The following ESPNL variants were observed in gnomAD, a reference collection of about 807,000 sequenced individuals.
ESPNL encodes espin like, also known as espin-like protein.
In ESPNL, 49 loss-of-function variants were observed where a neutral mutation model predicts 46.8. The observed-to-expected ratio is 1.05, with a 90% CI of 0.83 to 1.33. The LOEUF (loss-of-function observed/expected upper bound fraction) is 1.33, where lower values mean the gene tolerates loss of function less well. Ranked by LOEUF, ESPNL falls within the 40% of genes most tolerant of loss-of-function variation. ESPNL has a pLI of 0.00. For synonymous variants in ESPNL, 664 were observed against 662.1 expected (o/e 1.00, Z -0.04); for missense variants, 1,540 against 1,436.6 (o/e 1.07, Z -1.16).
rs5839686 is a variant in ESPNL, at chr2:238,110,949, C to CTTTTTTTTTTTTT, written c.855+2985_855+2997dup. 1.1e-4 allele frequency among the ~76,000 whole-genome samples: 12 copies of CTTTTTTTTTTTTT among 111,004 alleles called. 1 individual carries two copies. Among genetic ancestry groups the CTTTTTTTTTTTTT allele is most frequent in the Admixed American group, 3.2e-4 (3 of 9,490 alleles). 72.8% of individuals were successfully genotyped at this position (111,004 alleles called of 152,430 possible). A position where few individuals can be genotyped will look rare whatever the true frequency, so the allele number is the denominator to read the frequency against. On this transcript the variant is annotated intron_variant, in intron 4 of 8. Transcript: ENST00000343063. ...GTTTCAGTATATCACATTAGTTATT[C>CTTTTTTTTTTTTT]TTTTTTTTTTTTTTTTTTTTTGAGA...
Position 238,131,870 on chromosome 2 carries a change from G to C in ESPNL, c.*138G>C, listed in dbSNP as rs1692350439. On this transcript the variant is annotated 3_prime_UTR_variant, in exon 9 of 9. Coordinates refer to ENST00000343063, the MANE Select transcript of ESPNL (RefSeq NM_194312.4). ...AGTCCTACCAGTTATCGGAGGCTGC[G>C]GGACTGTTCTGTTGTGGCATGGTTC... 1 of 920,180 alleles carries C rather than the reference G, an allele frequency of 1.1e-6. No individual in the cohort carries two copies. Among genetic ancestry groups the C allele is most frequent in the South Asian group, 1.7e-5 (1 of 60,418 alleles). The allele number at this position is 920,180 out of a possible 1,614,324, so 57.0% of individuals were successfully genotyped here.
chr2:238,128,104 C>G (rs1262757313), intron 7 of ESPNL, among the ~76,000 whole-genome samples: 1 of 152,232 alleles, frequency 6.6e-6, no homozygotes, highest in Non-Finnish European at 1.5e-5. Context: ...TCCTCCTCCT[C>G]AGGGCCTCGG....
In ESPNL at chr2:238,118,386, AAGGGTGGATGGAAGAGGGTGGACGGAGG is replaced by A. The variant is rs1352588150; in HGVS notation, c.987+1365_987+1392del. Among the ~76,000 whole-genome samples, 8 of 58,690 alleles carry A rather than the reference AAGGGTGGATGGAAGAGGGTGGACGGAGG, an allele frequency of 1.4e-4. 1 individual carries two copies. Among genetic ancestry groups the A allele is most frequent in the African/African-American group, 5.5e-4 (5 of 9,166 alleles). The allele number at this position is 58,690 out of a possible 152,430, so 38.5% of individuals were successfully genotyped here. A position where few individuals can be genotyped will look rare whatever the true frequency, so the allele number is the denominator to read the frequency against. On this transcript the variant is annotated intron_variant, in intron 5 of 8. Coordinates refer to ENST00000343063, the MANE Select transcript of ESPNL (RefSeq NM_194312.4). ...GAATGGATGGAGGAGGTGGATGGAG[AAGGGTGGATGGAAGAGGGTGGACGGAGG>A]AGGGTGGATGGAGGAGGAATGGATG...
At chr2:238,122,369 C>G (rs1465552813) in intron 5 of ESPNL, among the ~76,000 whole-genome samples, 1 of 152,250 alleles carries the variant, frequency 6.6e-6, no homozygotes, top group Non-Finnish European at 1.5e-5. Flanking sequence ...GTCTGAATGC[C>G]ACTGTCTTGC....
intron 5 of ESPNL, among the ~76,000 whole-genome samples, chr2:238,125,060 C>G (rs895043764): frequency 1.1e-4 from 17 of 151,574 alleles, no homozygotes; most frequent in African/African-American, 3.9e-4. Context: ...GGTGGGGTGC[C>G]AGGAAGTGAT....
chr2:238,103,568 C>G (rs960472168), intron 2 of ESPNL, among the ~76,000 whole-genome samples: 2 of 152,230 alleles, frequency 1.3e-5, no homozygotes, highest in African/African-American at 4.8e-5. Context: ...GGTGGCTGCC[C>G]CTGGCCAGAC....
chr2:238,129,230 A>G, intron 8 of ESPNL: 1 of 1,248,592 alleles, frequency 8.0e-7, no homozygotes, highest in Non-Finnish European at 1.0e-6. Context: ...GCCCATGGGC[A>G]GGTGCCGGCA....
chr2:238,127,765 C>T, intron 7 of ESPNL, 31 bp downstream of exon 7: 1 of 1,556,706 alleles, frequency 6.4e-7, no homozygotes, highest in East Asian at 2.3e-5. Flanking sequence ...TTCCTGTCTC[C>T]CGGGGCCCCT....
In ESPNL at chr2:238,130,996, T is replaced by G. The variant is rs4663845; in HGVS notation, c.2282T>G (p.Val761Gly). The G allele has an allele frequency of 1.9e-6, 3 of 1,545,008 alleles. No homozygotes were observed. Among genetic ancestry groups the G allele is most frequent in the South Asian group, 1.2e-5 (1 of 84,070 alleles). ...GCCTACACGCCGGCCCTCAAGACAG[T>G]GGCCTGCAGGACCCTAGGAGCCCGC... ...RSAYTPALKT[V>G]ACRTLGARHA... Residue 761 changes from valine (V) to glycine (G), a missense_variant, in exon 9 of 9, where the codon GTG becomes GGG. By Grantham distance (109) the Val-to-Gly change is moderately radical. Transcript: ENST00000343063.
chr2:238,126,921 C>CTGTGTCTGTGATTGTCTG (rs1553574025), intron 6 of ESPNL, among the ~76,000 whole-genome samples: 1 of 146,640 alleles, frequency 6.8e-6, no homozygotes, highest in East Asian at 2.0e-4. Flanking sequence ...ATGATCGTGT[C>CTGTGTCTGTGATTGTCTG]TGTGTGTCTG....
At chr2:238,124,845 G>A (rs1381800323) in intron 5 of ESPNL, among the ~76,000 whole-genome samples, 2 of 152,142 alleles carry the variant, frequency 1.3e-5, no homozygotes, top group Non-Finnish European at 2.9e-5. Flanking sequence ...ACATGCATGT[G>A]TGTGCAGGAG....
chr2:238,110,271 T>C (rs55664649), intron 4 of ESPNL, among the ~76,000 whole-genome samples: 42 of 44,438 alleles, frequency 9.5e-4, no homozygotes, highest in South Asian at 1.6e-3. Flanking sequence ...GGGTGCCATA[T>C]GTTACCGAGT....
At chr2:238,121,770 C>A (rs12994773) in intron 5 of ESPNL, among the ~76,000 whole-genome samples, 6 of 152,114 alleles carry the variant, frequency 3.9e-5, no homozygotes, top group African/African-American at 1.2e-4. Context: ...GTGGGCCCTC[C>A]GGACAGGTGT....
intron 6 of ESPNL, among the ~76,000 whole-genome samples, chr2:238,126,589 CTGTGTG>C (rs61728829): frequency 6.9e-6 from 1 of 145,192 alleles, no homozygotes; most frequent in Admixed American, 6.9e-5. Context: ...GTGATTGTGT[CTGTGTG>C]TATCTGTGTG....
chr2:238,129,520 T>C (rs372164008), intron 8 of ESPNL, among the ~76,000 whole-genome samples: 23 of 152,280 alleles, frequency 1.5e-4, no homozygotes, highest in Admixed American at 3.3e-4. Flanking sequence ...GCTGGGATTA[T>C]TGCACCTCTG....
In ESPNL at chr2:238,127,666, C is replaced by T. The variant is rs1220828666; in HGVS notation, c.1147C>T (p.Leu383Phe). ...PAWPGHPDQP[L>F]PREQMTSPAP... The stretch of plus-strand genomic sequence containing the variant: ...CTGGCCTGGCCATCCTGACCAGCCT[C>T]TTCCCAGGGAGCAGATGACCAGCCC... Residue 383 changes from leucine (L) to phenylalanine (F), a missense_variant, in exon 7 of 9, where the codon CTT becomes TTT. Transcript: ENST00000343063. 4 of 1,612,946 alleles carry T rather than the reference C, an allele frequency of 2.5e-6. No homozygotes were observed. The highest frequency in any genetic ancestry group is 1.1e-5 in the South Asian group (1 of 90,804).
At chr2:238,110,177 C>T (rs1304969031) in intron 4 of ESPNL, among the ~76,000 whole-genome samples, 10 of 145,834 alleles carry the variant, frequency 6.9e-5, no homozygotes, top group Non-Finnish European at 1.1e-4. Flanking sequence ...CATATGTTAC[C>T]GAGTGTCCCT....
At chr2:238,124,788 C>G (rs1464038015) in intron 5 of ESPNL, among the ~76,000 whole-genome samples, 4 of 136,132 alleles carry the variant, frequency 2.9e-5, no homozygotes, top group African/African-American at 5.7e-5. Context: ...CAGGAGAGTA[C>G]GTGCGTGTGT....
chr2:238,111,524 A>G (rs1691718647), intron 4 of ESPNL, among the ~76,000 whole-genome samples: 1 of 152,156 alleles, frequency 6.6e-6, no homozygotes, highest in South Asian at 2.1e-4. Context: ...GCCTCATATA[A>G]GTGGAATTGT....
Sources: gnomAD v4.1 joint callset for allele counts (sites outside exome capture counted in the v4.1 genomes callset) on GRCh38, gnomAD v4.1.1 for gene constraint, MANE v1.5 for transcripts, NCBI Gene and HGNC (gene_info 2026-07-23, HGNC 2026-07-21) for gene names.